Variants in PPM1B observed in about 807,000 individuals in gnomAD.
The protein encoded by PPM1B is protein phosphatase 1B.
Under a neutral mutation model 43.0 loss-of-function variants are expected in PPM1B, and 22 were observed. The observed-to-expected ratio is 0.51, with a 90% CI of 0.37 to 0.73. The LOEUF is 0.73. Ranked by LOEUF, PPM1B falls within the 30% of genes least tolerant of loss-of-function variation. The pLI, the probability that PPM1B is intolerant of heterozygous loss-of-function variation, is 0.00. For synonymous variants in PPM1B, 217 were observed against 197.9 expected (o/e 1.10, Z -0.81); for missense variants, 632 against 584.2 (o/e 1.08, Z -0.84).
intron 2 of PPM1B, among the ~76,000 whole-genome samples, chr2:44,204,858 CAA>C (rs368660082): frequency 0.014 from 506 of 36,580 alleles, no homozygotes; most frequent in African/African-American, 0.029. Flanking sequence ...GACTCCGTCT[CAA>C]AAAAAAAAAA....
At chr2:44,208,164 A>G (rs891813978) in intron 2 of PPM1B, among the ~76,000 whole-genome samples, 11 of 152,026 alleles carry the variant, frequency 7.2e-5, no homozygotes, top group Non-Finnish European at 1.6e-4. Flanking sequence ...CTGGGATTAC[A>G]GGCGTGAGCC....
chr2:44,232,210 A>G, downstream of PPM1B: 1 of 1,486,984 alleles, frequency 6.7e-7, no homozygotes, highest in East Asian at 2.3e-5. Flanking sequence ...TTTCAGACAA[A>G]GAAAGGAAGG....
At chr2:44,216,274 C>T (rs1021473329) in intron 3 of PPM1B, among the ~76,000 whole-genome samples, 10 of 152,082 alleles carry the variant, frequency 6.6e-5, no homozygotes, top group African/African-American at 2.2e-4. Flanking sequence ...TTTTTGGTGT[C>T]ATAGCTGAGG....
At chr2:44,232,640 A>G (rs146221415), downstream of PPM1B, 652 of 1,218,728 alleles carry the variant, frequency 5.3e-4, 1 homozygote, top group African/African-American at 8.4e-3. Flanking sequence ...CAAATCAACA[A>G]TGTGCCTGAG....
downstream of PPM1B, among the ~76,000 whole-genome samples, chr2:44,246,626 A>T (rs1427289075): frequency 6.6e-6 from 1 of 152,200 alleles, no homozygotes; most frequent in Non-Finnish European, 1.5e-5. Context: ...TCTCCAGTTT[A>T]TCTACAAGGA....
chr2:44,222,953 C>T lies in PPM1B; in HGVS notation c.1134+4416C>T, dbSNP rs1174899569. ...TCAAGCGATCCTCCCAGCTCAGCCT[C>T]CTGAGTAGCTGGGATTACAGGCACA... On this transcript the variant is annotated intron_variant, in intron 5 of 5. Coordinates refer to ENST00000282412, the MANE Select transcript of PPM1B (RefSeq NM_002706.6). Among the ~76,000 whole-genome samples the T allele has an allele frequency of 2.0e-5, 3 of 152,148 alleles. No homozygotes were observed. In the East Asian group the frequency reaches 5.8e-4, roughly 29 times the overall value.
chr2:44,194,637 G>A (rs777328950), intron 1 of PPM1B, among the ~76,000 whole-genome samples: 3 of 151,942 alleles, frequency 2.0e-5, no homozygotes, highest in Non-Finnish European at 4.4e-5. Context: ...GCAGGAGAAT[G>A]GTGTGAACCT....
intron 5 of PPM1B, among the ~76,000 whole-genome samples, chr2:44,229,508 G>A (rs1424013822): frequency 1.3e-5 from 2 of 151,976 alleles, no homozygotes; most frequent in African/African-American, 2.4e-5. Context: ...TTTACAATAC[G>A]TCCTGCATTC....
chr2:44,216,723 C>G (rs1015377311), intron 3 of PPM1B, among the ~76,000 whole-genome samples: 4 of 151,774 alleles, frequency 2.6e-5, no homozygotes, highest in African/African-American at 9.7e-5. Context: ...GTCAGGAATT[C>G]AAGACCAGCC....
intron 1 of PPM1B, among the ~76,000 whole-genome samples, chr2:44,172,919 A>C (rs1350202928): frequency 6.6e-6 from 1 of 152,240 alleles, no homozygotes; most frequent in East Asian, 1.9e-4. Flanking sequence ...TTTTTTAAAA[A>C]ATTCTGATGT....
intron 1 of PPM1B, among the ~76,000 whole-genome samples, chr2:44,193,575 C>CTTTT (rs575288322): frequency 8.6e-5 from 10 of 116,716 alleles, no homozygotes; most frequent in Non-Finnish European, 1.4e-4. Context: ...AATTTTTTTT[C>CTTTT]TTTTTTTTTT....
At chr2:44,233,825 T>C (rs1670536365), downstream of PPM1B, 1 of 985,742 alleles carries the variant, frequency 1.0e-6, no homozygotes, top group East Asian at 1.1e-4. Flanking sequence ...CTTTAGATTT[T>C]AGCCTTGTAA....
chr2:44,239,896 G>GTTTTTTT (rs66631221), intron 5 of PPM1B, among the ~76,000 whole-genome samples: 17 of 140,238 alleles, frequency 1.2e-4, no homozygotes, highest in Non-Finnish European at 2.2e-4. Context: ...TTTTGTTTTT[G>GTTTTTTT]TTTTTTTTTT....
downstream of PPM1B, chr2:44,232,975 C>G (rs1670511577): frequency 1.0e-6 from 1 of 980,068 alleles, no homozygotes; most frequent in African/African-American, 1.8e-5. Flanking sequence ...ATTATAAACC[C>G]TTACAAATTT....
intron 1 of PPM1B, among the ~76,000 whole-genome samples, chr2:44,192,073 G>C (rs1054340563): frequency 6.6e-6 from 1 of 150,434 alleles, no homozygotes; most frequent in African/African-American, 2.4e-5. Flanking sequence ...TGAAGGGGAG[G>C]GGTCTGGGGG....
chr2:44,203,039 C>G (rs771310842), intron 2 of PPM1B, among the ~76,000 whole-genome samples: 1 of 152,128 alleles, frequency 6.6e-6, no homozygotes, highest in Non-Finnish European at 1.5e-5. Flanking sequence ...CTGTATCTCC[C>G]TACTCCAAAA....
chr2:44,195,757 A>G (rs958799969), intron 1 of PPM1B, among the ~76,000 whole-genome samples: 6 of 152,330 alleles, frequency 3.9e-5, no homozygotes, highest in East Asian at 1.9e-4. Flanking sequence ...TTTGTCTTCA[A>G]TCTGAACAAG....
At chr2:44,202,927 T>G (rs1669007322) in intron 2 of PPM1B, among the ~76,000 whole-genome samples, 1 of 152,014 alleles carries the variant, frequency 6.6e-6, no homozygotes. Context: ...GTGTCTGGAG[T>G]GTGTAAGTAT....
At chr2:44,209,457 A>T in intron 3 of PPM1B, 130 bp downstream of exon 3, 5 of 1,046,414 alleles carry the variant, frequency 4.8e-6, no homozygotes, top group Non-Finnish European at 6.7e-6. Context: ...TAGAGAGGGA[A>T]AGTATTCTTT....
Sources: allele counts gnomAD v4.1 joint callset (sites outside exome capture counted in the v4.1 genomes callset), GRCh38; gene constraint gnomAD v4.1.1; transcripts MANE v1.5; gene names NCBI Gene and HGNC (gene_info 2026-07-23, HGNC 2026-07-21).